Variants in CNTN4 observed in about 807,000 individuals in gnomAD.
CNTN4 encodes the protein contactin 4.
Under a neutral mutation model 122.5 loss-of-function variants are expected in CNTN4, and 77 were observed. That is an observed-to-expected ratio of 0.63 (90% confidence interval 0.52 to 0.76). The LOEUF is 0.76. Among genes scored for constraint, CNTN4 ranks in the 30% least tolerant of loss-of-function variants. CNTN4 has a pLI of 0.00. For synonymous variants in CNTN4, 512 were observed against 447.0 expected, an observed-to-expected ratio of 1.15 and a Z score of -1.83; for missense variants, 1,256 against 1,259.1, an observed-to-expected ratio of 1.00 and a Z score of 0.04.
chr3:2,618,374 T>C (rs893311263), intron 4 of CNTN4, among the ~76,000 whole-genome samples: 1 of 152,182 alleles, frequency 6.6e-6, no homozygotes, highest in Non-Finnish European at 1.5e-5. Flanking sequence ...TTTGTATATA[T>C]ACATGTTTAC....
chr3:2,658,989 CA>C (rs2083738904), intron 4 of CNTN4, among the ~76,000 whole-genome samples: 1 of 148,318 alleles, frequency 6.7e-6, no homozygotes. Context: ...CACACACACA[CA>C]CACACACACA....
chr3:2,357,294 T>C (rs2044914220), intron 3 of CNTN4, among the ~76,000 whole-genome samples: 1 of 152,202 alleles, frequency 6.6e-6, no homozygotes, highest in African/African-American at 2.4e-5. Context: ...CTGAACAAAA[T>C]GAACTTCAGT....
chr3:2,264,171 G>T (rs1477563498), intron 2 of CNTN4, among the ~76,000 whole-genome samples: 3 of 152,086 alleles, frequency 2.0e-5, no homozygotes, highest in Non-Finnish European at 4.4e-5. Flanking sequence ...TCTATTTGTA[G>T]TTTTTTGAGG....
chr3:2,532,321 A>G (rs1364310435), intron 3 of CNTN4, among the ~76,000 whole-genome samples: 1 of 152,044 alleles, frequency 6.6e-6, no homozygotes, highest in Non-Finnish European at 1.5e-5. Context: ...TGGTGCAATC[A>G]TGGCTAACTA....
intron 3 of CNTN4, among the ~76,000 whole-genome samples, chr3:2,547,602 A>G (rs2078302420): frequency 6.6e-6 from 1 of 152,084 alleles, no homozygotes; most frequent in Admixed American, 6.6e-5. Context: ...GAATGATTCA[A>G]GAAGAAATAT....
At chr3:2,260,708 C>A (rs894657089) in intron 2 of CNTN4, among the ~76,000 whole-genome samples, 1 of 148,462 alleles carries the variant, frequency 6.7e-6, no homozygotes, top group Non-Finnish European at 1.5e-5. Flanking sequence ...CTTTTCTTTT[C>A]TTTTCTTTTT....
chr3:2,569,753 A>G (rs2079337487), intron 3 of CNTN4, among the ~76,000 whole-genome samples: 2 of 152,124 alleles, frequency 1.3e-5, no homozygotes, highest in Admixed American at 1.3e-4. Context: ...TCCCGGTTCC[A>G]TAAATTTCTG....
At chr3:2,212,995 G>T (rs763825165) in intron 2 of CNTN4, among the ~76,000 whole-genome samples, 1 of 152,102 alleles carries the variant, frequency 6.6e-6, no homozygotes, top group Non-Finnish European at 1.5e-5. Context: ...TTCCTGAAAT[G>T]AAATAATGAA....
intron 2 of CNTN4, among the ~76,000 whole-genome samples, chr3:2,164,817 C>A (rs1401734935): frequency 1.3e-5 from 2 of 151,936 alleles, no homozygotes; most frequent in African/African-American, 4.8e-5. Context: ...CGTTTTGATA[C>A]ATGAAAGGAC....
chr3:2,982,691 G>A (rs984453525), intron 13 of CNTN4, among the ~76,000 whole-genome samples: 1 of 152,278 alleles, frequency 6.6e-6, no homozygotes, highest in East Asian at 1.9e-4. Context: ...CAAGAGAATA[G>A]GGTCTCCTGA....
At chr3:2,800,884 AC>A (rs1177953950) in intron 6 of CNTN4, among the ~76,000 whole-genome samples, 13 of 152,080 alleles carry the variant, frequency 8.5e-5, no homozygotes, top group African/African-American at 3.1e-4. Context: ...ATCTGGCTAA[AC>A]CCCTTGCCAC....
intron 4 of CNTN4, among the ~76,000 whole-genome samples, chr3:2,705,868 TA>T (rs2086688322): frequency 1.2e-5 from 1 of 80,198 alleles, no homozygotes; most frequent in Non-Finnish European, 2.0e-5. Flanking sequence ...TGTTTATATA[TA>T]ATATATATTT....
chr3:2,858,301 G>C (rs2093637019), intron 7 of CNTN4, among the ~76,000 whole-genome samples: 1 of 152,190 alleles, frequency 6.6e-6, no homozygotes, highest in African/African-American at 2.4e-5. Flanking sequence ...CTTTTGTGTT[G>C]TAACAAGCCT....
chr3:2,436,280 A>G (rs903259035), intron 3 of CNTN4, among the ~76,000 whole-genome samples: 1 of 152,154 alleles, frequency 6.6e-6, no homozygotes, highest in Admixed American at 6.6e-5. Flanking sequence ...CTCAAGATGT[A>G]CAAAGGAAGA....
intron 4 of CNTN4, among the ~76,000 whole-genome samples, chr3:2,668,769 C>CA (rs1372036939): frequency 6.6e-6 from 1 of 152,126 alleles, no homozygotes; most frequent in African/African-American, 2.4e-5. Flanking sequence ...TACATCCCAT[C>CA]AATACCTAAT....
chr3:2,843,299 C>G (rs917375027), intron 7 of CNTN4, among the ~76,000 whole-genome samples: 72 of 152,084 alleles, frequency 4.7e-4, no homozygotes, highest in African/African-American at 1.6e-3. Flanking sequence ...AAATCCTGAC[C>G]ACTGTGCCTT....
At chr3:2,531,117 A>G (rs17621399) in intron 3 of CNTN4, among the ~76,000 whole-genome samples, 18,677 of 152,260 alleles carry the variant, frequency 0.12, 1,382 homozygotes, top group Non-Finnish European at 0.18. Flanking sequence ...AATATGTTTG[A>G]TGACATTAAA....
rs28436200 is a variant in CNTN4 at position 3,043,128 on chromosome 3, C to T, written c.2663C>T (p.Ser888Phe). Reference protein sequence around the residue: ...KAYNSAGTGPSSATVNVTTRK... With the variant: ...KAYNSAGTGPFSATVNVTTRK... Reference sequence around the variant, plus strand: ...TATAATTCTGCTGGGACAGGCCCCTCTAGTGCAACAGTCAATGTGACAACC... The same window carrying T: ...TATAATTCTGCTGGGACAGGCCCCTTTAGTGCAACAGTCAATGTGACAACC... The change falls in exon 22 of 25, where the codon TCT (serine) becomes TTT (phenylalanine). Residue 888 changes from serine (S) to phenylalanine (F), a missense_variant. Ser to Phe is a radical substitution (Grantham distance 155). Coordinates refer to ENST00000418658, the MANE Select transcript of CNTN4 (RefSeq NM_175607.3). 1.9e-6 allele frequency: 3 copies of T among 1,614,158 alleles called. No homozygotes were observed. The highest frequency in any genetic ancestry group is 3.3e-5 in the Admixed American group (2 of 60,024).
At chr3:2,137,382 T>C (rs2034745632) in intron 2 of CNTN4, among the ~76,000 whole-genome samples, 1 of 152,072 alleles carries the variant, frequency 6.6e-6, no homozygotes, top group African/African-American at 2.4e-5. Flanking sequence ...AAAAAGGGAA[T>C]GTGTGAAGGG....
Sources: gnomAD v4.1 joint callset for allele counts (sites outside exome capture counted in the v4.1 genomes callset) on GRCh38, gnomAD v4.1.1 for gene constraint, MANE v1.5 for transcripts, NCBI Gene and HGNC (gene_info 2026-07-23, HGNC 2026-07-21) for gene names.